The following FGF13 variants were observed in gnomAD, a reference collection of about 807,000 sequenced individuals.
FGF13 encodes the protein fibroblast growth factor 13, also known as fibroblast growth factor homologous factor 2.
A neutral mutation model predicts 19.5 loss-of-function variants in FGF13; 2 were observed. The observed-to-expected ratio is 0.10, with a 90% CI of 0.04 to 0.32. FGF13 has a LOEUF of 0.32. Ranked by LOEUF, FGF13 falls within the 10% of genes least tolerant of loss-of-function variation. The pLI, the probability that FGF13 is intolerant of heterozygous loss-of-function variation, is 1.00. For synonymous variants in FGF13, 72 were observed against 76.9 expected (o/e 0.94, Z 0.33); for missense variants, 113 against 192.7 (o/e 0.59, Z 2.45).
downstream of FGF13, among the ~76,000 whole-genome samples, chrX:138,857,006 G>A (rs967027148): frequency 3.6e-5 from 4 of 111,832 alleles, 1 homozygote; most frequent in Non-Finnish European, 7.5e-5. Flanking sequence ...AGTGCAACGG[G>A]GCGTGCATTA....
rs200528374 is a variant in FGF13, at chrX:138,900,023, T to TA, written c.-112-35374dup. The stretch of plus-strand genomic sequence containing the variant: ...CATGAAAGGAGCTCGGTTTTGGAGA[T>TA]AAAAAAAATGGGAGAAGAGAAAAGG... On this transcript the variant is annotated intron_variant, in intron 1 of 2. Transcript: ENST00000421460. 3.0e-3 allele frequency among the ~76,000 whole-genome samples: 332 copies of TA among 110,220 alleles called. 3 individuals carry two copies. Among genetic ancestry groups the TA allele is most frequent in the Middle Eastern group, 9.2e-3 (2 of 217 alleles).
intron 1 of FGF13, among the ~76,000 whole-genome samples, chrX:139,060,780 A>G (rs1361984073): frequency 9.0e-5 from 10 of 111,384 alleles, no homozygotes; most frequent in African/African-American, 3.3e-4. Context: ...CATATTATTT[A>G]CACACAAAGA....
At chrX:138,944,457 T>A (rs1363392100) in intron 1 of FGF13, among the ~76,000 whole-genome samples, 1 of 108,819 alleles carries the variant, frequency 9.2e-6, no homozygotes, top group Non-Finnish European at 1.9e-5. Flanking sequence ...GGTTATTTCA[T>A]GCTGACCAGA....
At chrX:139,086,787 A>C (rs1038701646) in intron 1 of FGF13, among the ~76,000 whole-genome samples, 23 of 112,803 alleles carry the variant, frequency 2.0e-4, no homozygotes, top group African/African-American at 7.4e-4. Flanking sequence ...AACTAAGTGC[A>C]GGTAACTTGA....
chrX:138,891,446 T>C (rs1410027670), intron 1 of FGF13, among the ~76,000 whole-genome samples: 1 of 111,263 alleles, frequency 9.0e-6, no homozygotes, highest in Non-Finnish European at 1.9e-5. Flanking sequence ...CTGGTTTCTC[T>C]TCTTATAAGA....
chrX:138,749,784 T>C (rs1484460414), intron 3 of FGF13, among the ~76,000 whole-genome samples: 3 of 111,290 alleles, frequency 2.7e-5, no homozygotes, highest in African/African-American at 9.8e-5. Flanking sequence ...GATAAAACGA[T>C]GGAAGGTGTT....
At chrX:138,684,840 C>T (rs190804452) in intron 3 of FGF13, among the ~76,000 whole-genome samples, 52 of 111,287 alleles carry the variant, frequency 4.7e-4, no homozygotes, top group African/African-American at 1.7e-3. Context: ...GCATGCAATC[C>T]AACTTCTTCT....
At chrX:139,079,672 ATAGGGAGATGGACAAGTG>A (rs2124440217) in intron 1 of FGF13, among the ~76,000 whole-genome samples, 1 of 111,304 alleles carries the variant, frequency 9.0e-6, no homozygotes, top group South Asian at 3.8e-4. Flanking sequence ...TACTGAAGGG[ATAGGGAGATGGACAAGTG>A]TACCAACTTT....
intron 1 of FGF13, among the ~76,000 whole-genome samples, chrX:138,968,045 T>G (rs1372700273): frequency 9.0e-6 from 1 of 111,382 alleles, no homozygotes; most frequent in Non-Finnish European, 1.9e-5. Flanking sequence ...AAACTCGACT[T>G]CATATCTCCT....
intron 3 of FGF13, among the ~76,000 whole-genome samples, chrX:138,798,186 T>C (rs912775302): frequency 6.2e-5 from 7 of 112,027 alleles, no homozygotes; most frequent in Admixed American, 4.7e-4. Context: ...TAGTATGATA[T>C]TGGCTAGGGG....
intron 3 of FGF13, among the ~76,000 whole-genome samples, chrX:138,675,706 C>T (rs958525271): frequency 2.7e-5 from 3 of 111,221 alleles, no homozygotes; most frequent in South Asian, 3.8e-4. Flanking sequence ...ATCTTAAAAA[C>T]GATGCCACAA....
chrX:139,183,631 T>A (rs954346973), intron 1 of FGF13, among the ~76,000 whole-genome samples: 1 of 112,135 alleles, frequency 8.9e-6, no homozygotes, highest in Non-Finnish European at 1.9e-5. Context: ...CCTTCCACCA[T>A]AATTGTAAAC....
At chrX:138,824,438 C>T (rs751288799) in intron 3 of FGF13, among the ~76,000 whole-genome samples, 3 of 111,729 alleles carry the variant, frequency 2.7e-5, no homozygotes, top group Non-Finnish European at 3.8e-5. Flanking sequence ...CCTAAATGCA[C>T]TTGACCTACT....
intron 3 of FGF13, among the ~76,000 whole-genome samples, chrX:138,693,643 A>G (rs2089861765): frequency 8.9e-6 from 1 of 111,931 alleles, no homozygotes; most frequent in Admixed American, 9.5e-5. Flanking sequence ...AAAATTAGGA[A>G]CCTAAGTTTT....
At chrX:138,687,389 GAC>G (rs1233589018) in intron 3 of FGF13, among the ~76,000 whole-genome samples, 52 of 111,841 alleles carry the variant, frequency 4.6e-4, no homozygotes, top group African/African-American at 1.7e-3. Context: ...CTCTTCAACA[GAC>G]ACATGAAAAA....
chrX:138,983,062 C>T (rs994550091), intron 1 of FGF13, among the ~76,000 whole-genome samples: 1 of 111,131 alleles, frequency 9.0e-6, no homozygotes, highest in Non-Finnish European at 1.9e-5. Context: ...TCATTCTGTA[C>T]GTTGCCTTTT....
At chrX:138,685,903 T>C (rs746068790) in intron 3 of FGF13, among the ~76,000 whole-genome samples, 2 of 109,700 alleles carry the variant, frequency 1.8e-5, no homozygotes, top group East Asian at 2.8e-4. Context: ...TAGCACTGCA[T>C]GTGGCTTCCT....
rs1191781750 is a variant in FGF13, at chrX:138,617,393, G to C, written c.*15457C>G. The C allele has an allele frequency of 8.9e-6, 1 of 111,931 alleles. No homozygotes were observed. The highest frequency in any genetic ancestry group is 1.9e-5 in the Non-Finnish European group (1 of 53,205). 9.2% of individuals were successfully genotyped at this position (111,931 alleles called of 1,213,427 possible). A position where few individuals can be genotyped will look rare whatever the true frequency, so the allele number is the denominator to read the frequency against. ...GATATATTTTCATAATGAAATGTTGGGGGAAATACTTGGAAGTGAATATAA... is the reference window on the plus strand; with the variant it reads ...GATATATTTTCATAATGAAATGTTGCGGGAAATACTTGGAAGTGAATATAA... On this transcript the variant is annotated 3_prime_UTR_variant, in exon 5 of 5. Coordinates refer to ENST00000315930, the MANE Select transcript of FGF13 (RefSeq NM_004114.5).
intron 1 of FGF13, among the ~76,000 whole-genome samples, chrX:139,002,189 G>C (rs776734428): frequency 1.0e-4 from 11 of 110,384 alleles, no homozygotes; most frequent in Non-Finnish European, 1.7e-4. Context: ...AGGGCCTGTT[G>C]GGGGTAGGGG....
Sources: gnomAD v4.1 joint callset for allele counts (sites outside exome capture counted in the v4.1 genomes callset) on GRCh38, gnomAD v4.1.1 for gene constraint, MANE v1.5 for transcripts, NCBI Gene and HGNC (gene_info 2026-07-23, HGNC 2026-07-21) for gene names.